The following FAM135B variants were observed in gnomAD, a reference collection of about 807,000 sequenced individuals.
FAM135B encodes family with sequence similarity 135 member B, also known as protein FAM135B.
Under a neutral mutation model 127.7 loss-of-function variants are expected in FAM135B, and 43 were observed. The observed-to-expected ratio is 0.34, with a 90% confidence interval of 0.26 to 0.43. The LOEUF (loss-of-function observed/expected upper bound fraction) is 0.43. Ranked by LOEUF, FAM135B falls within the 20% of genes least tolerant of loss-of-function variation. The probability of loss-of-function intolerance (pLI) is 1.00; values close to 1 mark genes in which losing one functional copy is unlikely to be tolerated. For synonymous variants in FAM135B, 670 were observed against 665.1 expected (o/e 1.01, Z -0.11); for missense variants, 1,558 against 1,725.6 (o/e 0.90, Z 1.72).
rs2131585604 is a variant in FAM135B, at chr8:138,450,732, A to T, written c.-20+45939T>A. 2 of 152,258 alleles carry T rather than the reference A, an allele frequency of 1.3e-5. 1 individual carries two copies. Among genetic ancestry groups the T allele is most frequent in the South Asian group, 4.1e-4 (2 of 4,820 alleles). 9.4% of individuals were successfully genotyped at this position (152,258 alleles called of 1,614,324 possible). A position where few individuals can be genotyped will look rare whatever the true frequency, so the allele number is the denominator to read the frequency against. On this transcript the variant is annotated intron_variant, in intron 1 of 19. Coordinates refer to ENST00000395297, the MANE Select transcript of FAM135B (RefSeq NM_015912.4). ...TGTTGAGTTTTATGGTCTTTGGGAC[A>T]CCAAACATCCTTCTCATTCCTTACT... is the stretch of plus-strand genomic sequence containing the variant.
chr8:138,289,031 C>A (rs911533479), intron 3 of FAM135B, among the ~76,000 whole-genome samples: 2 of 152,200 alleles, frequency 1.3e-5, no homozygotes, highest in Non-Finnish European at 1.5e-5. Context: ...AATGTATTTG[C>A]TTTTCTGCTT....
At position 138,241,459 on chromosome 8, in the gene FAM135B, G is replaced by A. The variant is rs894148897; in HGVS notation, c.669+1483C>T. On this transcript the variant is annotated intron_variant, in intron 7 of 19. Transcript: ENST00000395297. The surrounding 1 kb of genome is among the most constrained non-coding windows in gnomAD (Gnocchi z 4.8). ...GACAACTCTTTTCTTTGCTTCTCAG[G>A]ACCATAAAATCATGTGACACAGCAG... 6.6e-6 allele frequency among the ~76,000 whole-genome samples: 1 copy of A among 152,068 alleles called. No individual in the cohort carries two copies. Among genetic ancestry groups the A allele is most frequent in the African/African-American group, 2.4e-5 (1 of 41,396 alleles).
At chr8:138,474,263 A>G (rs1587539491) in intron 1 of FAM135B, among the ~76,000 whole-genome samples, 1 of 152,000 alleles carries the variant, frequency 6.6e-6, no homozygotes, top group Non-Finnish European at 1.5e-5. Flanking sequence ...GGCCAGACAG[A>G]CCCCCACGAA....
chr8:138,349,418 A>G (rs866059829), intron 2 of FAM135B, among the ~76,000 whole-genome samples: 38 of 152,316 alleles, frequency 2.5e-4, no homozygotes, highest in Middle Eastern at 6.8e-3. Context: ...CTGTTTACTC[A>G]TGTGTAAAAC....
intron 12 of FAM135B, among the ~76,000 whole-genome samples, chr8:138,154,057 T>C (rs1266837202): frequency 1.3e-5 from 2 of 152,122 alleles, no homozygotes; most frequent in Non-Finnish European, 2.9e-5. Flanking sequence ...GACTGACACC[T>C]CACACAGCTG....
intron 1 of FAM135B, chr8:138,440,814 T>G (rs553682135): frequency 1.3e-5 from 2 of 151,876 alleles, no homozygotes; most frequent in African/African-American, 2.4e-5. Context: ...TGATATTTCA[T>G]GACATGCAAC....
intron 1 of FAM135B, among the ~76,000 whole-genome samples, chr8:138,443,865 T>C (rs530662007): frequency 6.6e-6 from 1 of 152,128 alleles, no homozygotes; most frequent in African/African-American, 2.4e-5. Context: ...GCAAATTGGA[T>C]AAAGAGTCAA....
At chr8:138,302,373 T>C (rs1455251303) in intron 3 of FAM135B, among the ~76,000 whole-genome samples, 1 of 152,102 alleles carries the variant, frequency 6.6e-6, no homozygotes, top group Non-Finnish European at 1.5e-5. Flanking sequence ...CACTTGTCCC[T>C]CATCCCTAGA....
intron 9 of FAM135B, among the ~76,000 whole-genome samples, chr8:138,180,929 T>A (rs1814961942): frequency 6.6e-6 from 1 of 151,980 alleles, no homozygotes; most frequent in South Asian, 2.1e-4. Flanking sequence ...TTCCCATACA[T>A]CATGGTCAAA....
chr8:138,339,208 A>T (rs940740514), intron 2 of FAM135B, among the ~76,000 whole-genome samples: 1 of 152,038 alleles, frequency 6.6e-6, no homozygotes, highest in Non-Finnish European at 1.5e-5. Flanking sequence ...ATGTATACAT[A>T]TGTAACTAAC....
At chr8:138,420,015 G>T (rs1834396532) in intron 1 of FAM135B, among the ~76,000 whole-genome samples, 1 of 151,906 alleles carries the variant, frequency 6.6e-6, no homozygotes. Flanking sequence ...ATGAAATCAA[G>T]ATACAAAAAT....
chr8:138,473,504 T>C (rs999202055), intron 1 of FAM135B, among the ~76,000 whole-genome samples: 6 of 152,160 alleles, frequency 3.9e-5, no homozygotes, highest in African/African-American at 1.2e-4. Context: ...CAGAGAATTC[T>C]AAACTCATAC....
chr8:138,205,809 G>A (rs1184650622), intron 7 of FAM135B, among the ~76,000 whole-genome samples: 2 of 152,200 alleles, frequency 1.3e-5, no homozygotes, highest in East Asian at 3.9e-4. Flanking sequence ...ATCTGAGAAT[G>A]AGAAAAAAGG....
At chr8:138,276,571 G>A (rs1823841834) in intron 3 of FAM135B, among the ~76,000 whole-genome samples, 1 of 152,034 alleles carries the variant, frequency 6.6e-6, no homozygotes, top group Non-Finnish European at 1.5e-5. Flanking sequence ...AGCCCAGCCA[G>A]TCCAGAAACA....
chr8:138,209,122 T>G (rs1027571902), intron 7 of FAM135B, among the ~76,000 whole-genome samples: 1 of 152,176 alleles, frequency 6.6e-6, no homozygotes, highest in African/African-American at 2.4e-5. Context: ...ATTGCTGGGT[T>G]TTTTTGGTGG....
At chr8:138,158,516 G>A (rs1819008713) in intron 12 of FAM135B, among the ~76,000 whole-genome samples, 1 of 152,122 alleles carries the variant, frequency 6.6e-6, no homozygotes, top group Non-Finnish European at 1.5e-5. Context: ...CCTACAGAAT[G>A]GGAGAAAATT....
chr8:138,427,663 A>C (rs1199672758), intron 1 of FAM135B, among the ~76,000 whole-genome samples: 1 of 152,090 alleles, frequency 6.6e-6, no homozygotes, highest in Non-Finnish European at 1.5e-5. Flanking sequence ...TGTTTAGAAA[A>C]CCATGTAGCA....
chr8:138,330,075 G>C (rs1828060704), intron 2 of FAM135B, among the ~76,000 whole-genome samples: 1 of 152,062 alleles, frequency 6.6e-6, no homozygotes, highest in South Asian at 2.1e-4. Flanking sequence ...AGTCTCTCCA[G>C]TCTCCCCTTC....
intron 7 of FAM135B, among the ~76,000 whole-genome samples, chr8:138,212,743 T>C (rs369144741): frequency 1.3e-5 from 2 of 152,218 alleles, no homozygotes. Flanking sequence ...TAAAAGCAAT[T>C]CCCCTGACTG....
Sources: allele counts gnomAD v4.1 joint callset (sites outside exome capture counted in the v4.1 genomes callset), GRCh38; gene constraint gnomAD v4.1.1; non-coding constraint Gnocchi (gnomAD v3.1); transcripts MANE v1.5; gene names NCBI Gene and HGNC (gene_info 2026-07-23, HGNC 2026-07-21).